CPXM2: variants seen among roughly 807,000 people sequenced by gnomAD.
The protein encoded by CPXM2 is carboxypeptidase X, M14 family member 2.
In CPXM2, 66 loss-of-function variants were observed where a neutral mutation model predicts 86.1. The ratio of observed to expected loss-of-function variants is 0.77; its 90% CI spans 0.63 to 0.94. The LOEUF is 0.94. Ranked by LOEUF, CPXM2 falls within the 40% of genes least tolerant of loss-of-function variation. The probability of loss-of-function intolerance (pLI) is 0.00; values close to 1 mark genes in which losing one functional copy is unlikely to be tolerated. For synonymous variants in CPXM2, 388 were observed against 400.2 expected (o/e 0.97, Z 0.36); for missense variants, 948 against 1,026.3 (o/e 0.92, Z 1.04).
In CPXM2 at chr10:123,908,967, G is replaced by A. The variant is rs981116750; in HGVS notation, n.175-28658C>T. Among the ~76,000 whole-genome samples, 8 of 152,216 alleles carry A rather than the reference G, an allele frequency of 5.3e-5. No individual in the cohort carries two copies. In the South Asian group the frequency reaches 1.7e-3, roughly 32 times the overall value. On this transcript the variant is annotated intron_variant and non_coding_transcript_variant, in intron 2 of 19. Coordinates refer to the CPXM2 transcript ENST00000368854. ...CAATTAAAAAAAAAGATTTAAAGCT[G>A]TAAACACAAGCCAGGAGGCTCATTG...
At chr10:123,855,171 C>T (rs1848693350) in intron 3 of CPXM2, among the ~76,000 whole-genome samples, 1 of 152,004 alleles carries the variant, frequency 6.6e-6, no homozygotes, top group Non-Finnish European at 1.5e-5. Flanking sequence ...TTTTGGCATC[C>T]AAACACTGTC....
intron 9 of CPXM2, 196 bp downstream of exon 9, chr10:123,768,330 C>T (rs955031233): frequency 2.5e-4 from 71 of 278,882 alleles, no homozygotes; most frequent in African/African-American, 1.5e-3. Flanking sequence ...GCGGAGATCA[C>T]GCCACTGTAC....
intron 3 of CPXM2, chr10:123,843,232 A>G (rs1388447820): frequency 2.2e-6 from 1 of 452,690 alleles, no homozygotes; most frequent in African/African-American, 2.0e-5. Context: ...GACTACAAGC[A>G]CACACCACCA....
chr10:123,902,802 C>CG lies in CPXM2; in HGVS notation n.175-22494dup, dbSNP rs1388518876. ...ACAGGGGAAACACAAACATTCAGAC[C>CG]GCGACACAGAGTGAACACTCAGGAA... On this transcript the variant is annotated intron_variant and non_coding_transcript_variant, in intron 2 of 19. Transcript: ENST00000368854. Among the ~76,000 whole-genome samples the CG allele has an allele frequency of 3.3e-5, 5 of 152,260 alleles. No individual in the cohort carries two copies. The East Asian group carries it at 9.7e-4, about 29-fold the overall frequency.
intron 7 of CPXM2, among the ~76,000 whole-genome samples, chr10:123,773,172 C>T (rs1846691295): frequency 6.6e-6 from 1 of 151,702 alleles, no homozygotes; most frequent in Non-Finnish European, 1.5e-5. Flanking sequence ...TGGTTATTGC[C>T]TCCCTGGTTG....
At chr10:123,901,680 T>G (rs1337461291) in intron 2 of CPXM2, among the ~76,000 whole-genome samples, 1 of 152,146 alleles carries the variant, frequency 6.6e-6, no homozygotes, top group Middle Eastern at 3.2e-3. Flanking sequence ...TACAGTCAAG[T>G]GGCCATTTGC....
chr10:123,867,668 G>T (rs1013332915), intron 2 of CPXM2, among the ~76,000 whole-genome samples: 3 of 151,862 alleles, frequency 2.0e-5, no homozygotes, highest in Admixed American at 6.6e-5. Context: ...AAGTAGCTGG[G>T]ATTATAGGCG....
At chr10:123,911,995 G>T (rs1328897729) in intron 2 of CPXM2, among the ~76,000 whole-genome samples, 2 of 152,088 alleles carry the variant, frequency 1.3e-5, no homozygotes, top group Non-Finnish European at 2.9e-5. Context: ...AGAAAGGAGG[G>T]GGGAAGGAGG....
intron 6 of CPXM2, among the ~76,000 whole-genome samples, chr10:123,782,894 T>C (rs1846967535): frequency 6.6e-6 from 1 of 152,148 alleles, no homozygotes; most frequent in Non-Finnish European, 1.5e-5. Context: ...CTTGCTTATA[T>C]AAAACCGGTT....
At chr10:123,873,509 T>C (rs766129540) in intron 2 of CPXM2, among the ~76,000 whole-genome samples, 8 of 152,182 alleles carry the variant, frequency 5.3e-5, no homozygotes, top group Non-Finnish European at 1.2e-4. Flanking sequence ...ATGTAGAACT[T>C]GACTACATGA....
At position 123,751,153 on chromosome 10, in the gene CPXM2, C is replaced by T. The variant is rs991298007; in HGVS notation, c.2017+3510G>A. On this transcript the variant is annotated intron_variant, in intron 13 of 13. Transcript: ENST00000241305. Reference sequence around the variant, plus strand: ...ACAGGTATTTTGCCTGAGCGTGTGGCTAGGGAACTGCACGGCTTAGCGCCA... The same window carrying T: ...ACAGGTATTTTGCCTGAGCGTGTGGTTAGGGAACTGCACGGCTTAGCGCCA... The T allele has an allele frequency of 7.4e-6, 5 of 675,788 alleles. No individual in the cohort carries two copies. In the African/African-American group the frequency reaches 9.8e-5, roughly 13 times the overall value. 41.9% of individuals were successfully genotyped at this position (675,788 alleles called of 1,614,324 possible).
rs1441810894 is a variant in CPXM2, at chr10:123,939,324, G to A, written n.174+153C>T. On this transcript the variant is annotated intron_variant and non_coding_transcript_variant, in intron 2 of 19. Coordinates refer to the CPXM2 transcript ENST00000368854. ...AGCGGCACCAAGCGGGGCCCAGCAG[G>A]TGGAAGGCAGGCAGGTTCAGGAAGT... Among the ~76,000 whole-genome samples, 4 of 152,282 alleles carry A rather than the reference G, an allele frequency of 2.6e-5. No individual in the cohort carries two copies. In the South Asian group the frequency reaches 6.2e-4, roughly 24 times the overall value.
At chr10:123,848,942 T>A (rs1848547905) in intron 3 of CPXM2, among the ~76,000 whole-genome samples, 1 of 152,200 alleles carries the variant, frequency 6.6e-6, no homozygotes, top group African/African-American at 2.4e-5. Context: ...GAAAAGACAG[T>A]CAATACATGG....
chr10:123,833,743 T>A (rs72827452), intron 4 of CPXM2, among the ~76,000 whole-genome samples: 1 of 152,162 alleles, frequency 6.6e-6, no homozygotes, highest in Non-Finnish European at 1.5e-5. Flanking sequence ...TTAACGCCAC[T>A]AGGACCACAC....
chr10:123,829,066 A>G (rs1848106359), intron 4 of CPXM2, among the ~76,000 whole-genome samples: 2 of 152,252 alleles, frequency 1.3e-5, no homozygotes, highest in South Asian at 4.1e-4. Flanking sequence ...AAAAGACAGG[A>G]AGAAACATTT....
At chr10:123,938,206 CA>C (rs774728906) in intron 2 of CPXM2, among the ~76,000 whole-genome samples, 4 of 152,186 alleles carry the variant, frequency 2.6e-5, no homozygotes, top group Non-Finnish European at 5.9e-5. Flanking sequence ...TGTTCTGATT[CA>C]GCAGGCCTGA....
chr10:123,764,053 A>G (rs1712923), intron 10 of CPXM2, among the ~76,000 whole-genome samples: 16,104 of 152,122 alleles, frequency 0.11, 1,258 homozygotes, highest in East Asian at 0.27. Flanking sequence ...AGTACTAGTG[A>G]GGTAGAACAT....
At chr10:123,771,169 C>G (rs1846620549) in intron 7 of CPXM2, 130 bp from the exon 8 acceptor site, 1 of 771,738 alleles carries the variant, frequency 1.3e-6, no homozygotes, top group Non-Finnish European at 2.2e-6. Flanking sequence ...TCTGCACACC[C>G]CAGCTGCTAT....
chr10:123,829,454 G>A (rs1269832003), intron 4 of CPXM2, among the ~76,000 whole-genome samples: 1 of 151,186 alleles, frequency 6.6e-6, no homozygotes, highest in Non-Finnish European at 1.5e-5. Context: ...ATGAGCCACT[G>A]CACCCAACCC....
Sources: gnomAD v4.1 joint callset for allele counts (sites outside exome capture counted in the v4.1 genomes callset) on GRCh38, gnomAD v4.1.1 for gene constraint, MANE v1.5 for transcripts, NCBI Gene and HGNC (gene_info 2026-07-23, HGNC 2026-07-21) for gene names.